The following NSDHL variants were observed in gnomAD, a reference collection of about 807,000 sequenced individuals.
NSDHL encodes NAD(P) dependent 3-beta-hydroxysteroid dehydrogenase NSDHL.
NSDHL carries 1 observed loss-of-function variant against 23.0 expected under a neutral mutation model. The observed-to-expected ratio is 0.04, with a 90% confidence interval of 0.02 to 0.21. The LOEUF (loss-of-function observed/expected upper bound fraction) is 0.21, where lower values mean the gene tolerates loss of function less well. NSDHL is among the 10% of genes least tolerant of loss of function. The pLI, the probability that NSDHL is intolerant of heterozygous loss-of-function variation, is 1.00. For synonymous variants in NSDHL, 128 were observed against 121.1 expected (o/e 1.06, Z -0.37); for missense variants, 237 against 300.9 (o/e 0.79, Z 1.57).
chrX:152,854,187 G>A (rs1372817950), intron 3 of NSDHL, among the ~76,000 whole-genome samples: 3 of 111,360 alleles, frequency 2.7e-5, no homozygotes, highest in Non-Finnish European at 5.6e-5. Context: ...CCTCCAGCAT[G>A]CCATGTTGTT....
rs1260195312 is a variant in NSDHL at position 152,846,408 on chromosome X, C to T, written c.84C>T (p.Asp28=). 1 of 1,201,513 alleles carries T rather than the reference C, an allele frequency of 8.3e-7. No individual in the cohort carries two copies. Among genetic ancestry groups the T allele is most frequent in the East Asian group, 3.0e-5 (1 of 33,779 alleles). ...LTEDTPKVNA[D]IEKVNQNQAK... is the part of the protein sequence containing the mutation. The stretch of plus-strand genomic sequence containing the variant: ...AGGACACTCCCAAAGTGAATGCTGA[C>T]ATAGAAAAGGTTAACCAGAATCAGG... Residue 28 remains aspartate (D), a synonymous_variant, in exon 2 of 8, where the codon GAC becomes GAT. Transcript: ENST00000370274.
chrX:152,869,025 A>G lies in NSDHL; in HGVS notation c.1031A>G (p.Lys344Arg), dbSNP rs2125017628. The G allele has an allele frequency of 8.3e-7, 1 of 1,211,973 alleles. No homozygotes were observed. The highest frequency in any genetic ancestry group is 3.0e-5 in the East Asian group (1 of 33,838). ...TFHYYSCERA[K>R]KAMGYQPLVT... The stretch of plus-strand genomic sequence containing the variant: ...CACTACTACAGCTGCGAGAGAGCCA[A>G]AAAGGCCATGGGCTACCAGCCACTA... Residue 344 changes from lysine to arginine, a missense_variant, in exon 8 of 8, where the codon AAA (lysine) becomes AGA (arginine). Lys to Arg is a conservative substitution (Grantham distance 26, BLOSUM62 2). Around this residue, in one of 3 missense-constraint regions of NSDHL, gnomAD observed 117 missense variants for 99.5 expected, o/e 1.18. Coordinates refer to ENST00000370274, the MANE Select transcript of NSDHL (RefSeq NM_015922.3).
intron 5 of NSDHL, among the ~76,000 whole-genome samples, chrX:152,865,531 G>A (rs1556847964): frequency 2.7e-5 from 3 of 112,960 alleles, no homozygotes; most frequent in Admixed American, 1.9e-4. Flanking sequence ...GCCTTTGAAC[G>A]CAAACCAGGG....
chrX:152,846,635 T>C (rs1303260407), intron 2 of NSDHL, among the ~76,000 whole-genome samples: 1 of 112,979 alleles, frequency 8.9e-6, no homozygotes, highest in Non-Finnish European at 1.9e-5. Flanking sequence ...TCTTTGCTTA[T>C]GACTGTGGTT....
At chrX:152,857,084 A>T (rs782769927) in intron 3 of NSDHL, among the ~76,000 whole-genome samples, 8 of 112,327 alleles carry the variant, frequency 7.1e-5, no homozygotes, top group African/African-American at 2.3e-4. Flanking sequence ...GTCCATAGAA[A>T]TACTGAAAAT....
chrX:152,853,429 A>C (rs1329012811), intron 3 of NSDHL, among the ~76,000 whole-genome samples: 1 of 111,236 alleles, frequency 9.0e-6, no homozygotes, highest in African/African-American at 3.3e-5. Context: ...GGCTCCACTC[A>C]GAATAGATCC....
chrX:152,839,289 C>T (rs1933153319), intron 1 of NSDHL, among the ~76,000 whole-genome samples: 1 of 111,931 alleles, frequency 8.9e-6, no homozygotes, highest in Non-Finnish European at 1.9e-5. Context: ...GGGCATTTAG[C>T]CCATTTACAT....
At chrX:152,832,654 T>A (rs782404069) in intron 1 of NSDHL, among the ~76,000 whole-genome samples, 2 of 111,837 alleles carry the variant, frequency 1.8e-5, no homozygotes, top group South Asian at 7.5e-4. Context: ...TCCCAGTCCG[T>A]CAACCTGCAG....
rs1238471889 is a variant in NSDHL at position 152,868,849 on chromosome X, C to A, written c.855C>A (p.Gly285=). The change falls in exon 8 of 8, where the codon GGC becomes GGA. Residue 285 remains glycine, a synonymous_variant. Coordinates refer to ENST00000370274, the MANE Select transcript of NSDHL (RefSeq NM_015922.3). ...CATTCCTGTCTCGCATCCTGACAGG[C>A]CTCAATTATGAGGCCCCCAAGTACC... The part of the protein sequence containing the change: ...FWTFLSRILT[G]LNYEAPKYHI... 2 of 1,211,277 alleles carry A rather than the reference C, an allele frequency of 1.7e-6. No individual in the cohort carries two copies. The highest frequency in any genetic ancestry group is 3.5e-5 in the South Asian group (2 of 57,008).
At chrX:152,831,466 G>T (rs1933012863) in intron 1 of NSDHL, among the ~76,000 whole-genome samples, 1 of 110,857 alleles carries the variant, frequency 9.0e-6, no homozygotes, top group Non-Finnish European at 1.9e-5. Flanking sequence ...CCCCAGACCA[G>T]GTTCCAAGAG....
intron 6 of NSDHL, among the ~76,000 whole-genome samples, chrX:152,866,478 G>T (rs1177464210): frequency 8.8e-6 from 1 of 113,195 alleles, no homozygotes; most frequent in African/African-American, 3.2e-5. Context: ...CAAAGTAAGT[G>T]CTTAAAACAA....
intron 1 of NSDHL, among the ~76,000 whole-genome samples, chrX:152,835,137 G>A (rs1401624470): frequency 9.0e-6 from 1 of 111,065 alleles, no homozygotes; most frequent in Non-Finnish European, 1.9e-5. Flanking sequence ...CACATGAGGC[G>A]GCACACACCT....
intron 1 of NSDHL, chrX:152,831,780 A>G (rs1432139003): frequency 9.0e-6 from 1 of 111,226 alleles, no homozygotes; most frequent in Non-Finnish European, 1.9e-5. Flanking sequence ...CTGGAGGTCC[A>G]GTTTGCCCTC....
chrX:152,854,508 C>G (rs1314592301), intron 3 of NSDHL, among the ~76,000 whole-genome samples: 1 of 110,264 alleles, frequency 9.1e-6, no homozygotes, highest in Non-Finnish European at 1.9e-5. Flanking sequence ...CTCCCAGGTT[C>G]AAGCGATGCT....
chrX:152,855,406 C>T (rs1933430192), intron 3 of NSDHL, among the ~76,000 whole-genome samples: 1 of 111,714 alleles, frequency 9.0e-6, no homozygotes, highest in Non-Finnish European at 1.9e-5. Context: ...TCTGGCTTTC[C>T]CTCTTATGGT....
chrX:152,858,247 G>T (rs1556847167), intron 3 of NSDHL, among the ~76,000 whole-genome samples: 1 of 111,785 alleles, frequency 8.9e-6, no homozygotes, highest in African/African-American at 3.3e-5. Flanking sequence ...TCCTGTCCCA[G>T]ATCTGCAATC....
At chrX:152,839,076 C>G (rs1556844553) in intron 1 of NSDHL, among the ~76,000 whole-genome samples, 1 of 111,925 alleles carries the variant, frequency 8.9e-6, no homozygotes, top group African/African-American at 3.3e-5. Context: ...CTCTTTTGAT[C>G]TTTGTTGGTT....
intron 3 of NSDHL, among the ~76,000 whole-genome samples, chrX:152,857,070 A>T (rs1218806852): frequency 8.9e-6 from 1 of 112,253 alleles, no homozygotes; most frequent in Non-Finnish European, 1.9e-5. Context: ...AAAAGAATCC[A>T]TGGGTCCATA....
chrX:152,865,000 G>A (rs5924765), intron 5 of NSDHL, among the ~76,000 whole-genome samples: 5 of 112,585 alleles, frequency 4.4e-5, no homozygotes, highest in East Asian at 5.6e-4. Flanking sequence ...GGGCCATCTC[G>A]TGTAATTCGC....
Sources: allele counts gnomAD v4.1 joint callset (sites outside exome capture counted in the v4.1 genomes callset), GRCh38; gene constraint gnomAD v4.1.1; regional missense constraint gnomAD v4.1.1; transcripts MANE v1.5; gene names NCBI Gene and HGNC (gene_info 2026-07-23, HGNC 2026-07-21).